PLXNA2: variants seen among roughly 807,000 people sequenced by gnomAD.
The protein encoded by PLXNA2 is plexin-A2.
In PLXNA2, 91 loss-of-function variants were observed where a neutral mutation model predicts 193.5. The ratio of observed to expected loss-of-function variants is 0.47; its 90% CI spans 0.40 to 0.56. The LOEUF is 0.56. PLXNA2 is among the 20% of genes least tolerant of loss of function. PLXNA2 has a pLI of 0.00. For missense variants in PLXNA2, 1,995 were observed against 2,503.2 expected, an observed-to-expected ratio of 0.80 and a Z score of 4.33; for synonymous variants, 997 against 1,027.3, an observed-to-expected ratio of 0.97 and a Z score of 0.56.
intron 20 of PLXNA2, among the ~76,000 whole-genome samples, chr1:208,043,444 A>T (rs1427292353): frequency 1.3e-5 from 2 of 152,086 alleles, no homozygotes; most frequent in Admixed American, 6.6e-5. Flanking sequence ...CTCTTTACAT[A>T]TTACAAGTGT....
intron 1 of PLXNA2, among the ~76,000 whole-genome samples, chr1:208,224,510 G>T (rs910624508): frequency 1.3e-5 from 2 of 151,592 alleles, no homozygotes; most frequent in African/African-American, 2.4e-5. Context: ...TTATGCACGC[G>T]ATTTAAAGGG....
At chr1:208,132,116 C>G (rs375328446) in intron 4 of PLXNA2, among the ~76,000 whole-genome samples, 2 of 152,212 alleles carry the variant, frequency 1.3e-5, no homozygotes, top group Non-Finnish European at 2.9e-5. Context: ...TCCCTGCATT[C>G]TGACCACCTG....
intron 26 of PLXNA2, among the ~76,000 whole-genome samples, chr1:208,036,751 A>T (rs1283123256): frequency 6.6e-6 from 1 of 152,252 alleles, no homozygotes; most frequent in Non-Finnish European, 1.5e-5. Flanking sequence ...TGAGGACTGA[A>T]TGCATACATG....
At chr1:208,120,583 C>T (rs1667777460) in intron 4 of PLXNA2, among the ~76,000 whole-genome samples, 1 of 152,232 alleles carries the variant, frequency 6.6e-6, no homozygotes, top group African/African-American at 2.4e-5. Context: ...GGTGCCCCAT[C>T]TAGGCACATG....
At chr1:208,169,213 C>T (rs1324191786) in intron 3 of PLXNA2, among the ~76,000 whole-genome samples, 2 of 152,156 alleles carry the variant, frequency 1.3e-5, no homozygotes, top group African/African-American at 4.8e-5. Context: ...GGCTCTGAGG[C>T]TGACCTTTGG....
chr1:208,160,219 C>T lies in PLXNA2; in HGVS notation c.1372-17756G>A, dbSNP rs541230451. Among the ~76,000 whole-genome samples, 14 of 152,326 alleles carry T rather than the reference C, an allele frequency of 9.2e-5. No homozygotes were observed. The South Asian group carries it at 1.0e-3, about 11-fold the overall frequency. ...TCTTCCCTTCATTAGTACAACCCCC[C>T]CCGCCCAGAAGTAGAAAGGGTTATT... is the stretch of plus-strand genomic sequence containing the variant. On this transcript the variant is annotated intron_variant, in intron 3 of 31. Coordinates refer to ENST00000367033, the MANE Select transcript of PLXNA2 (RefSeq NM_025179.4).
intron 2 of PLXNA2, among the ~76,000 whole-genome samples, chr1:208,215,227 C>T (rs1051527026): frequency 1.3e-5 from 2 of 152,164 alleles, no homozygotes; most frequent in African/African-American, 4.8e-5. Context: ...AACTCCTGAG[C>T]TCAAGCAATC....
intron 4 of PLXNA2, among the ~76,000 whole-genome samples, chr1:208,127,976 C>A (rs544884605): frequency 6.6e-6 from 1 of 152,274 alleles, no homozygotes; most frequent in Admixed American, 6.5e-5. Flanking sequence ...CCCAGCACAG[C>A]CTGCCCATCT....
chr1:208,186,716 T>TA (rs1553294073), intron 3 of PLXNA2, among the ~76,000 whole-genome samples: 7 of 103,382 alleles, frequency 6.8e-5, no homozygotes, highest in Non-Finnish European at 1.3e-4. Flanking sequence ...TTATTTTATT[T>TA]TTTTTTTTTT....
intron 4 of PLXNA2, among the ~76,000 whole-genome samples, chr1:208,116,773 A>G (rs1204299890): frequency 1.3e-5 from 2 of 152,212 alleles, no homozygotes; most frequent in African/African-American, 4.8e-5. Flanking sequence ...GTTCTAAGGT[A>G]AAGTGCAGAC....
Position 208,038,792 on chromosome 1 carries a change from C to G in PLXNA2, c.4660+33G>C. On this transcript the variant is annotated intron_variant, in intron 25 of 31. Transcript: ENST00000367033. This position sits in a 1 kb window ranked among gnomAD's most constrained non-coding sequence, Gnocchi z 4.1. ...GCTTCCCTTCCTTCACCTCTCAACC[C>G]CTGCCCTCACACTCTGAGTCCAGGT... is the stretch of plus-strand genomic sequence containing the variant. The G allele has an allele frequency of 6.2e-7, 1 of 1,605,488 alleles. No individual in the cohort carries two copies. The highest frequency in any genetic ancestry group is 8.5e-7 in the Non-Finnish European group (1 of 1,174,322).
chr1:208,068,894 T>C (rs1665884401), intron 12 of PLXNA2, among the ~76,000 whole-genome samples: 1 of 152,170 alleles, frequency 6.6e-6, no homozygotes, highest in Non-Finnish European at 1.5e-5. Flanking sequence ...GACTTTTAAG[T>C]TGTGTTATTA....
At chr1:208,096,270 CTT>C in intron 7 of PLXNA2, 145 bp from the exon 8 acceptor site, 1 of 664,750 alleles carries the variant, frequency 1.5e-6, no homozygotes, top group Non-Finnish European at 2.6e-6. Flanking sequence ...TGAATCGTCT[CTT>C]CTCCTCCCAA....
At chr1:208,087,025 CAGACAGAG>C (rs1426082197) in intron 9 of PLXNA2, among the ~76,000 whole-genome samples, 2 of 145,288 alleles carry the variant, frequency 1.4e-5, no homozygotes, top group East Asian at 2.1e-4. Context: ...GACAGACAGA[CAGACAGAG>C]AGACAGAGAG....
chr1:208,219,534 GGA>G (rs149042882), intron 1 of PLXNA2, among the ~76,000 whole-genome samples: 9,840 of 152,264 alleles, frequency 0.065, 409 homozygotes, highest in East Asian at 0.15. Context: ...CCCGAAGGAT[GGA>G]GAGTTTGCTC....
intron 2 of PLXNA2, among the ~76,000 whole-genome samples, chr1:208,211,869 C>T (rs992886462): frequency 6.6e-6 from 1 of 152,098 alleles, no homozygotes; most frequent in Non-Finnish European, 1.5e-5. Flanking sequence ...GGTCTCTCAT[C>T]TAAAAAAGAA....
At chr1:208,127,624 C>T (rs1373683300) in intron 4 of PLXNA2, among the ~76,000 whole-genome samples, 2 of 152,148 alleles carry the variant, frequency 1.3e-5, no homozygotes, top group African/African-American at 4.8e-5. Context: ...CTGGCCATGG[C>T]CAGCCAGCCG....
intron 3 of PLXNA2, among the ~76,000 whole-genome samples, chr1:208,192,887 C>CAAAAGA (rs869077903): frequency 2.0e-5 from 2 of 98,098 alleles, no homozygotes; most frequent in Non-Finnish European, 4.1e-5. Context: ...AGCTCCGTCT[C>CAAAAGA]AAAAGAAAAA....
rs567799734 is a variant in PLXNA2, at chr1:208,045,052, G to A, written c.3639+15C>T. 4.3e-6 allele frequency: 7 copies of A among 1,613,966 alleles called. No homozygotes were observed. The East Asian group carries it at 6.7e-5, about 15-fold the overall frequency. ...GAGGCGGGAAGGAGGCATTACAGAC[G>A]CAGGGCTCACTCACCATGACCTTGT... On this transcript the variant is annotated intron_variant, in intron 19 of 31. Coordinates refer to ENST00000367033, the MANE Select transcript of PLXNA2 (RefSeq NM_025179.4).
Sources: allele counts gnomAD v4.1 joint callset (sites outside exome capture counted in the v4.1 genomes callset), GRCh38; gene constraint gnomAD v4.1.1; non-coding constraint Gnocchi (gnomAD v3.1); transcripts MANE v1.5; gene names NCBI Gene and HGNC (gene_info 2026-07-23, HGNC 2026-07-21).